Variants in INPP4B observed in about 807,000 individuals in gnomAD.
INPP4B encodes inositol polyphosphate 4-phosphatase type II.
INPP4B carries 55 observed loss-of-function variants against 122.5 expected under a neutral mutation model. That is an observed-to-expected ratio of 0.45 (90% CI 0.36 to 0.56). The LOEUF (loss-of-function observed/expected upper bound fraction) is 0.56, where lower values mean the gene tolerates loss of function less well. Among genes scored for constraint, INPP4B ranks in the 20% least tolerant of loss-of-function variants. The pLI is 0.00. For missense variants in INPP4B, 1,000 were observed against 1,097.7 expected (o/e 0.91, Z 1.26); for synonymous variants, 403 against 388.7 (o/e 1.04, Z -0.43).
intron 5 of INPP4B, among the ~76,000 whole-genome samples, chr4:142,406,678 T>C (rs1369522213): frequency 6.6e-6 from 1 of 152,236 alleles, no homozygotes; most frequent in Non-Finnish European, 1.5e-5. Context: ...TACTTTTTTT[T>C]CCTTATATAA....
Position 142,432,910 on chromosome 4 carries a change from G to A in INPP4B, c.-126-1525C>T, listed in dbSNP as rs3756126. Among the ~76,000 whole-genome samples, 14 of 152,142 alleles carry A rather than the reference G, an allele frequency of 9.2e-5. No individual in the cohort carries two copies. The East Asian group carries it at 1.9e-3, about 21-fold the overall frequency. Reference sequence around the variant, plus strand: ...AAATAAATATCTAATTCTGTTTATCGGTATATGTGCACTTGTATAATTTGA... The same window carrying A: ...AAATAAATATCTAATTCTGTTTATCAGTATATGTGCACTTGTATAATTTGA... On this transcript the variant is annotated intron_variant, in intron 3 of 25. Coordinates refer to ENST00000262992, the MANE Select transcript of INPP4B (RefSeq NM_001101669.3).
chr4:142,504,655 T>G (rs560658692), intron 2 of INPP4B, among the ~76,000 whole-genome samples: 1 of 152,266 alleles, frequency 6.6e-6, no homozygotes, highest in African/African-American at 2.4e-5. Context: ...TAGGAGATTA[T>G]TCAGCCATTA....
At chr4:142,609,363 C>T (rs1741991323) in intron 2 of INPP4B, among the ~76,000 whole-genome samples, 1 of 151,538 alleles carries the variant, frequency 6.6e-6, no homozygotes, top group South Asian at 2.1e-4. Flanking sequence ...TGTTTCAGCT[C>T]AAAAAGAACA....
intron 2 of INPP4B, among the ~76,000 whole-genome samples, chr4:142,706,240 G>A (rs536256777): frequency 2.0e-5 from 3 of 152,176 alleles, no homozygotes; most frequent in East Asian, 1.9e-4. Flanking sequence ...CTGTGAATAC[G>A]CATAGCACCT....
In INPP4B at chr4:142,397,748, G is replaced by A. The variant is rs573904030; in HGVS notation, c.372+5190C>T. Among the ~76,000 whole-genome samples, 41 of 151,768 alleles carry A rather than the reference G, an allele frequency of 2.7e-4. No individual in the cohort carries two copies. The South Asian group carries it at 4.6e-3, about 17-fold the overall frequency. ...CAGTTACTCGGGAGGCTGAGGCAGG[G>A]GAATCACTTGAACCTGGGAGGTGGA... On this transcript the variant is annotated intron_variant, in intron 7 of 25. Coordinates refer to ENST00000262992, the MANE Select transcript of INPP4B (RefSeq NM_001101669.3).
At chr4:142,164,581 G>A (rs1821754749) in intron 16 of INPP4B, among the ~76,000 whole-genome samples, 1 of 151,536 alleles carries the variant, frequency 6.6e-6, no homozygotes, top group Non-Finnish European at 1.5e-5. Context: ...TTAACATTTG[G>A]GCAGCTCATA....
chr4:142,418,254 T>C (rs906543093), intron 5 of INPP4B, among the ~76,000 whole-genome samples: 1 of 152,166 alleles, frequency 6.6e-6, no homozygotes, highest in Admixed American at 6.6e-5. Context: ...GGATTACTTT[T>C]TACAAATAAT....
chr4:142,680,488 G>A (rs1313709290), intron 2 of INPP4B, among the ~76,000 whole-genome samples: 2 of 151,552 alleles, frequency 1.3e-5, no homozygotes, highest in African/African-American at 4.8e-5. Flanking sequence ...TTATAGCTGG[G>A]TATTTATCTA....
At chr4:142,186,029 T>C (rs1473790913) in intron 15 of INPP4B, among the ~76,000 whole-genome samples, 1 of 151,922 alleles carries the variant, frequency 6.6e-6, no homozygotes, top group Non-Finnish European at 1.5e-5. Flanking sequence ...ATCAAAAACT[T>C]AGAAACAATC....
chr4:142,216,364 A>G (rs1169108952), intron 12 of INPP4B, among the ~76,000 whole-genome samples: 1 of 152,178 alleles, frequency 6.6e-6, no homozygotes, highest in Non-Finnish European at 1.5e-5. Flanking sequence ...CCTCTTACAC[A>G]TTAAACACTT....
intron 25 of INPP4B, among the ~76,000 whole-genome samples, chr4:142,067,919 C>A (rs909694077): frequency 6.6e-6 from 1 of 152,076 alleles, no homozygotes; most frequent in Non-Finnish European, 1.5e-5. Context: ...AGGATATTAT[C>A]CAGGAGAACT....
At chr4:142,241,871 G>A (rs927558801) in intron 11 of INPP4B, among the ~76,000 whole-genome samples, 10 of 152,136 alleles carry the variant, frequency 6.6e-5, no homozygotes, top group African/African-American at 2.2e-4. Context: ...TGTTTCTCCA[G>A]AGGAAGCTAA....
intron 2 of INPP4B, among the ~76,000 whole-genome samples, chr4:142,717,085 T>C (rs942575576): frequency 9.8e-5 from 15 of 152,318 alleles, no homozygotes; most frequent in African/African-American, 3.6e-4. Context: ...GTCCTTTTTA[T>C]TGATGAGGAA....
At chr4:142,405,477 C>T (rs996115282) in intron 5 of INPP4B, among the ~76,000 whole-genome samples, 153 bp from the exon 6 acceptor site, 7 of 152,140 alleles carry the variant, frequency 4.6e-5, no homozygotes, top group African/African-American at 1.7e-4. Context: ...TTGGAAGTAC[C>T]TTACAGAAAT....
At chr4:142,452,322 C>T (rs1179727997) in intron 3 of INPP4B, among the ~76,000 whole-genome samples, 1 of 152,140 alleles carries the variant, frequency 6.6e-6, no homozygotes, top group African/African-American at 2.4e-5. Context: ...ACCCGATGTC[C>T]TGAAGGGAAG....
intron 25 of INPP4B, among the ~76,000 whole-genome samples, chr4:142,039,597 T>TA (rs139774070): frequency 0.077 from 11,289 of 147,348 alleles, 599 homozygotes; most frequent in African/African-American, 0.16. Context: ...AGTGCTTTAT[T>TA]AAAAAAAAAA....
At chr4:142,454,448 G>A (rs891298907) in intron 3 of INPP4B, among the ~76,000 whole-genome samples, 1 of 152,172 alleles carries the variant, frequency 6.6e-6, no homozygotes, top group African/African-American at 2.4e-5. Context: ...GAACTATTCT[G>A]ATAATTTCTT....
intron 16 of INPP4B, among the ~76,000 whole-genome samples, chr4:142,161,976 T>C (rs1820380255): frequency 6.6e-6 from 1 of 151,846 alleles, no homozygotes; most frequent in African/African-American, 2.4e-5. Context: ...GCCATAAAAC[T>C]AGATGTTTCT....
At chr4:142,626,182 C>A (rs1373250894) in intron 2 of INPP4B, among the ~76,000 whole-genome samples, 1 of 152,094 alleles carries the variant, frequency 6.6e-6, no homozygotes, top group Non-Finnish European at 1.5e-5. Flanking sequence ...AAACTACCAT[C>A]AGAGTGAACA....
Sources: allele counts gnomAD v4.1 joint callset (sites outside exome capture counted in the v4.1 genomes callset), GRCh38; gene constraint gnomAD v4.1.1; transcripts MANE v1.5; gene names NCBI Gene and HGNC (gene_info 2026-07-23, HGNC 2026-07-21).